SLC9C2: variants seen among roughly 807,000 people sequenced by gnomAD.
SLC9C2 encodes sodium/hydrogen exchanger 11.
Under a neutral mutation model 140.2 loss-of-function variants are expected in SLC9C2, and 75 were observed. The ratio of observed to expected loss-of-function variants is 0.53; its 90% CI spans 0.44 to 0.65. The LOEUF is 0.65. Among genes scored for constraint, SLC9C2 ranks in the 30% least tolerant of loss-of-function variants. The pLI is 0.00. For missense variants in SLC9C2, 1,074 were observed against 1,331.8 expected (o/e 0.81, Z 3.01); for synonymous variants, 375 against 420.9 (o/e 0.89, Z 1.34).
intron 9 of SLC9C2, among the ~76,000 whole-genome samples, chr1:173,560,899 C>T (rs1158481206): frequency 6.6e-6 from 1 of 152,056 alleles, no homozygotes; most frequent in African/African-American, 2.4e-5. Flanking sequence ...CAGGTTCAAG[C>T]GATTCTCCTG....
At chr1:173,519,822 T>C (rs561410765) in intron 22 of SLC9C2, among the ~76,000 whole-genome samples, 1 of 152,242 alleles carries the variant, frequency 6.6e-6, no homozygotes, top group East Asian at 1.9e-4. Context: ...AAGTGAATTT[T>C]TTTTTTCTGT....
At chr1:173,518,469 T>A (rs1051508759) in intron 22 of SLC9C2, among the ~76,000 whole-genome samples, 1 of 152,190 alleles carries the variant, frequency 6.6e-6, no homozygotes, top group Non-Finnish European at 1.5e-5. Flanking sequence ...TTGTCTCTTT[T>A]TAAAATGCTT....
In SLC9C2 at chr1:173,601,002, T is replaced by C. The variant is rs538379019; in HGVS notation, c.127+648A>G. Among the ~76,000 whole-genome samples the C allele has an allele frequency of 7.9e-5, 12 of 152,344 alleles. No individual in the cohort carries two copies. The East Asian group carries it at 2.3e-3, about 29-fold the overall frequency. ...GACTAAAGCATCTGTGTGTTGAATATGTTACTTGATCTGCATGAATATCAT... is the reference window on the plus strand; with the variant it reads ...GACTAAAGCATCTGTGTGTTGAATACGTTACTTGATCTGCATGAATATCAT... On this transcript the variant is annotated intron_variant, in intron 2 of 27. Coordinates refer to ENST00000367714, the MANE Select transcript of SLC9C2 (RefSeq NM_178527.4).
chr1:173,602,115 T>C (rs1477337844), intron 1 of SLC9C2, among the ~76,000 whole-genome samples: 2 of 152,176 alleles, frequency 1.3e-5, no homozygotes, highest in Non-Finnish European at 2.9e-5. Flanking sequence ...TGTAATGATA[T>C]AGTAATGTGC....
At chr1:173,502,999 C>T (rs931732449) in intron 27 of SLC9C2, among the ~76,000 whole-genome samples, 7 of 152,060 alleles carry the variant, frequency 4.6e-5, no homozygotes, top group African/African-American at 1.7e-4. Flanking sequence ...ACCCCAAATT[C>T]CATAGATCCC....
rs1463800628 is a variant in SLC9C2, at chr1:173,505,237, T to C, written c.3310+10A>G. 6.2e-7 allele frequency: 1 copy of C among 1,607,616 alleles called. No homozygotes were observed. Among genetic ancestry groups the C allele is most frequent in the East Asian group, 2.2e-5 (1 of 44,820 alleles). The stretch of plus-strand genomic sequence containing the variant: ...AATAGTTTTCCTACCACTAAAGGTC[T>C]ACCCCTTACCCATGACATTGGTGTT... On this transcript the variant is annotated intron_variant, in intron 26 of 27. Coordinates refer to ENST00000367714, the MANE Select transcript of SLC9C2 (RefSeq NM_178527.4).
intron 22 of SLC9C2, among the ~76,000 whole-genome samples, chr1:173,520,425 C>A (rs1043620116): frequency 2.6e-5 from 4 of 152,278 alleles, no homozygotes; most frequent in African/African-American, 9.6e-5. Context: ...CCTCCATCAT[C>A]TGTAACATAC....
chr1:173,559,024 GTGT>G (rs1431065961), intron 9 of SLC9C2, among the ~76,000 whole-genome samples: 1 of 152,188 alleles, frequency 6.6e-6, no homozygotes, highest in African/African-American at 2.4e-5. Context: ...TTATCTCCTA[GTGT>G]TGTTATGAAG....
In SLC9C2 at chr1:173,548,377, G is replaced by T. The variant is rs1261116534; in HGVS notation, c.1461+12C>A. On this transcript the variant is annotated intron_variant, in intron 12 of 27. Transcript: ENST00000367714. ...GGAAAGGAAAACTACTTTTTGCCAGGTATCAACTCACAGGAATGTATTCGA... is the reference window on the plus strand; with the variant it reads ...GGAAAGGAAAACTACTTTTTGCCAGTTATCAACTCACAGGAATGTATTCGA... The T allele has an allele frequency of 6.2e-7, 1 of 1,605,558 alleles. No individual in the cohort carries two copies. The highest frequency in any genetic ancestry group is 1.1e-5 in the South Asian group (1 of 89,502).
intron 22 of SLC9C2, among the ~76,000 whole-genome samples, chr1:173,520,342 T>C (rs1323774345): frequency 6.6e-6 from 1 of 152,232 alleles, no homozygotes; most frequent in Non-Finnish European, 1.5e-5. Flanking sequence ...GGATTACAGC[T>C]GTGAGCCATC....
intron 23 of SLC9C2, among the ~76,000 whole-genome samples, chr1:173,513,362 G>C (rs1230083891): frequency 6.6e-6 from 1 of 152,014 alleles, no homozygotes; most frequent in African/African-American, 2.4e-5. Context: ...GTCTATTCAG[G>C]GATTTTAATT....
chr1:173,579,327 T>C (rs1208497413), intron 7 of SLC9C2, among the ~76,000 whole-genome samples: 2 of 152,222 alleles, frequency 1.3e-5, no homozygotes, highest in Non-Finnish European at 2.9e-5. Context: ...TGTGAGCAGG[T>C]TGCTAACGAA....
chr1:173,599,388 TTTTTG>T (rs1239841673), intron 3 of SLC9C2, among the ~76,000 whole-genome samples: 1 of 135,210 alleles, frequency 7.4e-6, no homozygotes, highest in African/African-American at 2.8e-5. Context: ...TTTTTTTTTT[TTTTTG>T]AGACGGAGTC....
In SLC9C2 at chr1:173,503,252, G is replaced by T; in HGVS notation, c.3371+14C>A. 1 of 1,607,912 alleles carries T rather than the reference G, an allele frequency of 6.2e-7. No individual in the cohort carries two copies. Among genetic ancestry groups the T allele is most frequent in the East Asian group, 2.2e-5 (1 of 44,812 alleles). On this transcript the variant is annotated intron_variant, in intron 27 of 27. Transcript: ENST00000367714. ...AATAAGAAAAAATTCTAATCAAAGT[G>T]TCAAGTTTATTACCTCATCTTTTGT...
intron 17 of SLC9C2, among the ~76,000 whole-genome samples, chr1:173,531,044 T>C (rs1259444498): frequency 6.6e-6 from 1 of 152,206 alleles, no homozygotes; most frequent in Admixed American, 6.5e-5. Flanking sequence ...GCCAGTATTC[T>C]TTCACGTTTT....
chr1:173,553,253 G>A (rs1172830043), intron 11 of SLC9C2, among the ~76,000 whole-genome samples: 1 of 152,192 alleles, frequency 6.6e-6, no homozygotes, highest in African/African-American at 2.4e-5. Context: ...ATCTACTCCT[G>A]GTGAAGATGC....
At chr1:173,554,133 CTCT>C (rs1663506882) in intron 11 of SLC9C2, among the ~76,000 whole-genome samples, 1 of 152,214 alleles carries the variant, frequency 6.6e-6, no homozygotes, top group Admixed American at 6.5e-5. Context: ...AACATCCATT[CTCT>C]TCTTCTTCCT....
chr1:173,576,561 A>G, intron 8 of SLC9C2, 100 bp downstream of exon 8: 1 of 654,926 alleles, frequency 1.5e-6, no homozygotes, highest in Non-Finnish European at 2.6e-6. Context: ...AAGATAAAGA[A>G]AGGTTATGGA....
intron 10 of SLC9C2, 32 bp from the exon 11 acceptor site, chr1:173,554,846 A>G: frequency 7.8e-7 from 1 of 1,279,400 alleles, no homozygotes. Flanking sequence ...AGTTAGAACC[A>G]AAACATTAAA....
Sources: gnomAD v4.1 joint callset for allele counts (sites outside exome capture counted in the v4.1 genomes callset) on GRCh38, gnomAD v4.1.1 for gene constraint, MANE v1.5 for transcripts, NCBI Gene and HGNC (gene_info 2026-07-23, HGNC 2026-07-21) for gene names.